Variants in ENKD1 observed in about 807,000 individuals in gnomAD.
The protein encoded by ENKD1 is enkurin domain containing 1.
ENKD1 carries 39 observed loss-of-function variants against 35.8 expected under a neutral mutation model. That is an observed-to-expected ratio of 1.09 (90% confidence interval 0.84 to 1.42). The LOEUF is 1.42. ENKD1 is among the 40% of genes most tolerant of loss of function. ENKD1 has a pLI of 0.00. For missense variants in ENKD1, 474 were observed against 471.3 expected (o/e 1.01, Z -0.05); for synonymous variants, 205 against 198.6 (o/e 1.03, Z -0.27).
rs1006823805 is a variant in ENKD1, at chr16:67,666,240, C to G, written c.111G>C (p.Ala37=). The change falls in exon 2 of 7, where the codon GCG becomes GCC. Residue 37 remains alanine (A), a synonymous_variant. Transcript: ENST00000243878. ...CGGAAGTCAGCAAGTCCAGCTTCAG[C>G]GCGTTTCCCTCGAGGCGCCCTTGAG... ...TSAQGRLEGN[A]LKLDLLTSDR... 4 of 1,605,700 alleles carry G rather than the reference C, an allele frequency of 2.5e-6. 1 individual carries two copies. In the African/African-American group the frequency reaches 5.4e-5, roughly 21 times the overall value.
In ENKD1 at chr16:67,663,409, C is replaced by T. The variant is rs760477593; in HGVS notation, c.880+11G>A. On this transcript the variant is annotated intron_variant, in intron 6 of 6. Coordinates refer to ENST00000243878, the MANE Select transcript of ENKD1 (RefSeq NM_032140.3). ...GGGGCCCCCCTCCAGCCTCCCTGCC[C>T]AGGTACTCACTCTGGAGCAGCTTGG... The T allele has an allele frequency of 5.6e-6, 9 of 1,612,734 alleles. No individual in the cohort carries two copies. The South Asian group carries it at 9.9e-5, about 18-fold the overall frequency.
chr16:67,664,127 C>G lies in ENKD1; in HGVS notation c.454-65G>C, dbSNP rs28484968. On this transcript the variant is annotated intron_variant, in intron 3 of 6. Transcript: ENST00000243878. ...GGTCTGGGGCTCAAGCTGCAAGACCCTGGCCATCTTGGCCCTTCTGACCTT... is the reference window on the plus strand; with the variant it reads ...GGTCTGGGGCTCAAGCTGCAAGACCGTGGCCATCTTGGCCCTTCTGACCTT... 0.01 allele frequency: 14,764 copies of G among 1,464,460 alleles called. 479 individuals are homozygous for G. The African/African-American group carries it at 0.11, about 11-fold the overall frequency. 90.7% of individuals were successfully genotyped at this position (1,464,460 alleles called of 1,614,324 possible). A position where few individuals can be genotyped will look rare whatever the true frequency, so the allele number is the denominator to read the frequency against.
At position 67,666,635 on chromosome 16, in the gene ENKD1, C is replaced by T; in HGVS notation, c.-193G>A. On this transcript the variant is annotated 5_prime_UTR_variant, in exon 1 of 7. Coordinates refer to ENST00000243878, the MANE Select transcript of ENKD1 (RefSeq NM_032140.3). ...CTCGCCACCTCCGCGACCTCTGCTC[C>T]CAGCCCACTTCTCGGTCCCGCTCGC... 1.9e-6 allele frequency: 1 copy of T among 537,496 alleles called. No homozygotes were observed. Among genetic ancestry groups the T allele is most frequent in the Non-Finnish European group, 3.1e-6 (1 of 317,534 alleles). The allele number at this position is 537,496 out of a possible 1,614,324, so 33.3% of individuals were successfully genotyped here.
Position 67,663,275 on chromosome 16 carries a change from T to A in ENKD1, c.927A>T (p.Ala309=). The part of the protein sequence containing the change: ...LRELVLLPAG[A]DSLRAQSHRA... ...GGTGGCTCTGGGCTCTCAGTGAGTC[T>A]GCCCCAGCAGGCAGCAGTACCAGCT... The change falls in exon 7 of 7, where the codon GCA becomes GCT. Residue 309 remains alanine (A), a synonymous_variant. Transcript: ENST00000243878. 6.2e-7 allele frequency: 1 copy of A among 1,613,826 alleles called. No homozygotes were observed. The highest frequency in any genetic ancestry group is 1.1e-5 in the South Asian group (1 of 91,086).
At chr16:67,666,027 C>T in intron 2 of ENKD1, 44 bp downstream of exon 2, 1 of 1,588,070 alleles carries the variant, frequency 6.3e-7, no homozygotes, top group East Asian at 2.3e-5. Context: ...TCTCTTTCCA[C>T]CCCGCACTGC....
At position 67,664,994 on chromosome 16, in the gene ENKD1, A is replaced by G. The variant is rs761852101; in HGVS notation, c.453+2T>C. 8 of 1,596,998 alleles carry G rather than the reference A, an allele frequency of 5.0e-6. No individual in the cohort carries two copies. Among genetic ancestry groups the G allele is most frequent in the Non-Finnish European group, 8.5e-7 (1 of 1,171,464 alleles). On this transcript the variant is annotated splice_donor_variant, in intron 3 of 6. Coordinates refer to ENST00000243878, the MANE Select transcript of ENKD1 (RefSeq NM_032140.3). LOFTEE classifies it high-confidence loss of function. ...ATACTTCTGGCTCCCTGAAGCAGGT[A>G]CCTGGAGCTGGGCCTTGACCCGGGA...
Position 67,663,654 on chromosome 16 carries a change from T to C in ENKD1, c.743+3A>G, listed in dbSNP as rs1364718077. The C allele has an allele frequency of 3.1e-6, 5 of 1,610,190 alleles. No individual in the cohort carries two copies. ...ACCCTGAGTGTCGGGCAGTGAGACC[T>C]ACTAATGTGGCACATGGCCCTTCTG... is the stretch of plus-strand genomic sequence containing the variant. On this transcript the variant is annotated splice_donor_region_variant and intron_variant, in intron 5 of 6. Transcript: ENST00000243878.
At position 67,665,014 on chromosome 16, in the gene ENKD1, C is replaced by T. The variant is rs2053081435; in HGVS notation, c.435G>A (p.Arg145=). Residue 145 remains arginine (R), a synonymous_variant, in exon 3 of 7, where the codon CGG becomes CGA. Transcript: ENST00000243878. ...CAGGTACCTGGAGCTGGGCCTTGAC[C>T]CGGGACTCCACCTTGTCGTACTTGG... is the stretch of plus-strand genomic sequence containing the variant. ...RSPKYDKVES[R]VKAQLQEPGP... is the part of the protein sequence containing the mutation. 2 of 1,606,236 alleles carry T rather than the reference C, an allele frequency of 1.2e-6. No individual in the cohort carries two copies. The highest frequency in any genetic ancestry group is 1.7e-6 in the Non-Finnish European group (2 of 1,176,732).
At chr16:67,664,233 A>C (rs1389591121) in intron 3 of ENKD1, 171 bp from the exon 4 acceptor site, 2 of 709,972 alleles carry the variant, frequency 2.8e-6, no homozygotes, top group Non-Finnish European at 5.1e-6. Context: ...AGTATGTCAG[A>C]TTTTTAAGAA....
At position 67,666,339 on chromosome 16, in the gene ENKD1, G is replaced by A. The variant is rs776997249; in HGVS notation, c.85+19C>T. On this transcript the variant is annotated intron_variant, in intron 1 of 6. Transcript: ENST00000243878. Reference sequence around the variant, plus strand: ...GCCGACCCCTGAGCCTCGCACCACCGCCAAGCCCCCGGACTCACCCGAGGT... The same window carrying A: ...GCCGACCCCTGAGCCTCGCACCACCACCAAGCCCCCGGACTCACCCGAGGT... 19 of 1,583,350 alleles carry A rather than the reference G, an allele frequency of 1.2e-5. 1 individual carries two copies. In the South Asian group the frequency reaches 2.1e-4, roughly 18 times the overall value.
intron 3 of ENKD1, chr16:67,664,559 C>G (rs967558251): frequency 9.4e-6 from 3 of 319,176 alleles, no homozygotes; most frequent in African/African-American, 6.6e-5. Flanking sequence ...TCCTGCTCCT[C>G]CTACTGAGTC....
Position 67,666,373 on chromosome 16 carries a change from T to G in ENKD1, c.70A>C (p.Arg24=), listed in dbSNP as rs2142987998. ...CCGGACTCACCCGAGGTCGGCCGCC[T>G]GTAGTTGTCAGGACAGAGCGTCGGG... is the stretch of plus-strand genomic sequence containing the variant. ...PDPTLCPDNY[R]RPTSAQGRLE... Residue 24 remains arginine (R), a synonymous_variant, in exon 1 of 7, where the codon AGG becomes CGG. Transcript: ENST00000243878. 1 of 1,578,142 alleles carries G rather than the reference T, an allele frequency of 6.3e-7. No homozygotes were observed. The highest frequency in any genetic ancestry group is 8.6e-7 in the Non-Finnish European group (1 of 1,168,610).
intron 2 of ENKD1, 22 bp downstream of exon 2, chr16:67,666,049 T>G: frequency 6.2e-7 from 1 of 1,608,564 alleles, no homozygotes; most frequent in Non-Finnish European, 8.5e-7. Flanking sequence ...TCTCTGTCCC[T>G]TCTTCCATTC....
chr16:67,666,305 G>A (rs1398619614), intron 1 of ENKD1, 40 bp from the exon 2 acceptor site: 1 of 1,598,762 alleles, frequency 6.3e-7, no homozygotes, highest in Admixed American at 1.7e-5. Context: ...GCTCAGAGGT[G>A]GAGCCAGGGC....
rs1329023943 is a variant in ENKD1, at chr16:67,665,302, A to T, written c.281-134T>A. On this transcript the variant is annotated intron_variant, in intron 2 of 6. Coordinates refer to ENST00000243878, the MANE Select transcript of ENKD1 (RefSeq NM_032140.3). ...GACCTCTCCAACTACCTTAGACCCT[A>T]CACACACTCTCCCTCATCACCGTGT... is the stretch of plus-strand genomic sequence containing the variant. The T allele has an allele frequency of 7.3e-6, 6 of 816,348 alleles. No homozygotes were observed. In the African/African-American group the frequency reaches 1.1e-4, roughly 14 times the overall value. The allele number at this position is 816,348 out of a possible 1,614,324, so 50.6% of individuals were successfully genotyped here.
Position 67,666,380 on chromosome 16 carries a change from G to A in ENKD1, c.63C>T (p.Asp21=), listed in dbSNP as rs1299732141. Residue 21 remains aspartate, a synonymous_variant, in exon 1 of 7, where the codon GAC becomes GAT. Coordinates refer to ENST00000243878, the MANE Select transcript of ENKD1 (RefSeq NM_032140.3). ...PIPPDPTLCP[D]NYRRPTSAQG... ...CACCCGAGGTCGGCCGCCTGTAGTT[G>A]TCAGGACAGAGCGTCGGGTCTGGGG... The A allele has an allele frequency of 6.3e-7, 1 of 1,577,818 alleles. No individual in the cohort carries two copies. Among genetic ancestry groups the A allele is most frequent in the Non-Finnish European group, 8.6e-7 (1 of 1,168,542 alleles).
rs1245047442 is a variant in ENKD1, at chr16:67,665,068, G to A, written c.381C>T (p.Pro127=). ...AGCGCCACAGAGCTTTCAGGGGCCTGGGCTGGCCCTGCTCCCGGCTGCGCT... is the reference window on the plus strand; with the variant it reads ...AGCGCCACAGAGCTTTCAGGGGCCTAGGCTGGCCCTGCTCCCGGCTGCGCT... The part of the protein sequence containing the change: ...EQERSREQGQ[P]RPLKALWRSP... The change falls in exon 3 of 7, where the codon CCC becomes CCT. Residue 127 remains proline, a synonymous_variant. Transcript: ENST00000243878. The A allele has an allele frequency of 1.2e-6, 2 of 1,613,774 alleles. No individual in the cohort carries two copies. The highest frequency in any genetic ancestry group is 1.1e-5 in the South Asian group (1 of 91,088).
At chr16:67,664,855 G>A (rs2053079090) in intron 3 of ENKD1, 141 bp downstream of exon 3, 3 of 1,078,282 alleles carry the variant, frequency 2.8e-6, no homozygotes, top group Non-Finnish European at 3.9e-6. Flanking sequence ...AAGCCCCCCA[G>A]CCTCGCCCTG....
intron 3 of ENKD1, 81 bp downstream of exon 3, chr16:67,664,915 C>T: frequency 1.3e-6 from 2 of 1,483,768 alleles, no homozygotes; most frequent in Non-Finnish European, 1.8e-6. Context: ...GACTTCCCTC[C>T]CACCCCAGAA....
Sources: gnomAD v4.1 joint callset for allele counts on GRCh38, gnomAD v4.1.1 for gene constraint, MANE v1.5 for transcripts, NCBI Gene and HGNC (gene_info 2026-07-23, HGNC 2026-07-21) for gene names.